SNED1: variants seen among roughly 807,000 people sequenced by gnomAD.
SNED1 encodes the protein sushi, nidogen and EGF-like domain-containing protein 1.
In SNED1, 81 loss-of-function variants were observed where a neutral mutation model predicts 166.7. The observed-to-expected ratio is 0.49, with a 90% confidence interval of 0.41 to 0.58. The LOEUF (loss-of-function observed/expected upper bound fraction) is 0.58. Among genes scored for constraint, SNED1 ranks in the 20% least tolerant of loss-of-function variants. SNED1 has a pLI of 0.00. For missense variants in SNED1, 1,604 were observed against 2,000.2 expected (o/e 0.80, Z 3.78); for synonymous variants, 762 against 822.0 (o/e 0.93, Z 1.25).
At chr2:241,058,898 C>T (rs1207368382) in intron 16 of SNED1, among the ~76,000 whole-genome samples, 1 of 151,172 alleles carries the variant, frequency 6.6e-6, no homozygotes, top group African/African-American at 2.4e-5. Context: ...TGCAGTGAGC[C>T]AAGATCGCAC....
chr2:241,071,986 C>A, intron 26 of SNED1, 108 bp downstream of exon 26: 1 of 979,934 alleles, frequency 1.0e-6, no homozygotes, highest in Non-Finnish European at 1.6e-6. Context: ...ACCGCCAGCG[C>A]AGTCTCCAGC....
chr2:241,072,528 A>T (rs2062782731), intron 26 of SNED1: 2 of 330,128 alleles, frequency 6.1e-6, no homozygotes, highest in Admixed American at 8.9e-5. Context: ...GAACTCCCCA[A>T]CAGAGCCTAG....
In SNED1 at chr2:241,037,306, T is replaced by A; in HGVS notation, c.998T>A (p.Phe333Tyr). The A allele has an allele frequency of 6.2e-7, 1 of 1,611,422 alleles. No homozygotes were observed. The highest frequency in any genetic ancestry group is 8.5e-7 in the Non-Finnish European group (1 of 1,179,246). Residue 333 changes from phenylalanine to tyrosine, a missense_variant, in exon 6 of 32, where the codon TTC becomes TAC. Around this residue, in one of 2 missense-constraint regions of SNED1, gnomAD observed 1,237 missense variants for 1,620.8 expected, o/e 0.76. Coordinates refer to ENST00000310397, the MANE Select transcript of SNED1 (RefSeq NM_001080437.3). The part of the protein sequence containing the change: ...GGTCTHGINS[F>Y]RCQCPAGFGG... ...ACCTGTACTCACGGCATCAACAGTT[T>A]CCGCTGCCAGTGCCCGGCTGGCTTT...
At position 241,051,542 on chromosome 2, in the gene SNED1, T is replaced by C. The variant is rs1044410520; in HGVS notation, c.1736-202T>C. 1.8e-5 allele frequency: 8 copies of C among 444,174 alleles called. No individual in the cohort carries two copies. Among genetic ancestry groups the C allele is most frequent in the Non-Finnish European group, 2.4e-5 (6 of 251,716 alleles). 27.5% of individuals were successfully genotyped at this position (444,174 alleles called of 1,614,324 possible). A position where few individuals can be genotyped will look rare whatever the true frequency, so the allele number is the denominator to read the frequency against. ...AGCAAAGGGCCCACCTGTGACTGAGTTGGGGTCTCCAGCCTGTGAGCCCCA... is the reference window on the plus strand; with the variant it reads ...AGCAAAGGGCCCACCTGTGACTGAGCTGGGGTCTCCAGCCTGTGAGCCCCA... On this transcript the variant is annotated intron_variant, in intron 12 of 31. Transcript: ENST00000310397. The surrounding 1 kb of genome is among the most constrained non-coding windows in gnomAD (Gnocchi z 4.7).
Position 241,069,811 on chromosome 2 carries a change from T to G in SNED1, c.3308-109T>G. The G allele has an allele frequency of 7.8e-7, 1 of 1,277,732 alleles. No individual in the cohort carries two copies. The highest frequency in any genetic ancestry group is 1.1e-6 in the Non-Finnish European group (1 of 921,864). The allele number at this position is 1,277,732 out of a possible 1,614,324, so 79.1% of individuals were successfully genotyped here. A position where few individuals can be genotyped will look rare whatever the true frequency, so the allele number is the denominator to read the frequency against. On this transcript the variant is annotated intron_variant, in intron 23 of 31. Transcript: ENST00000310397. The surrounding 1 kb of genome is among the most constrained non-coding windows in gnomAD (Gnocchi z 4.9). The stretch of plus-strand genomic sequence containing the variant: ...CTGTACCATTCTCCATAATAAAGAA[T>G]CTGGCTTCCAGCAAGGCTGCGGCAG...
chr2:241,086,312 G>A (rs898435825), intron 29 of SNED1, among the ~76,000 whole-genome samples: 3 of 152,134 alleles, frequency 2.0e-5, no homozygotes, highest in African/African-American at 7.2e-5. Context: ...CAGGCCCAAG[G>A]GGACCCTACA....
intron 2 of SNED1, among the ~76,000 whole-genome samples, chr2:241,032,493 G>GA: frequency 6.7e-6 from 1 of 148,502 alleles, no homozygotes; most frequent in South Asian, 2.3e-4. Flanking sequence ...GTGGGGTGGG[G>GA]GGGTCGGGGG....
intron 21 of SNED1, 138 bp from the exon 22 acceptor site, chr2:241,067,626 G>A (rs1245689114): frequency 1.4e-5 from 9 of 650,164 alleles, no homozygotes; most frequent in African/African-American, 9.1e-5. Flanking sequence ...CGAGTTCCCT[G>A]AGCAGTTGAT....
Position 241,076,531 on chromosome 2 carries a change from C to CTA in SNED1, c.3916+3178_3916+3179dup, listed in dbSNP as rs907179204. On this transcript the variant is annotated intron_variant, in intron 27 of 31. Transcript: ENST00000310397. ...CTTGTCATACATTCTTTGGGGTTTT[C>CTA]TATATATATATAAAATCATATCCTT... Among the ~76,000 whole-genome samples the CTA allele has an allele frequency of 9.2e-5, 14 of 152,112 alleles. No individual in the cohort carries two copies. The East Asian group carries it at 1.7e-3, about 19-fold the overall frequency.
rs2062626468 is a variant in SNED1 at position 241,069,867 on chromosome 2, C to G, written c.3308-53C>G. ...GTCCGGTTCTCAAACCGTGTTCTTGCCAGAAGACCCTGTGGGCACCCCCTC... is the reference window on the plus strand; with the variant it reads ...GTCCGGTTCTCAAACCGTGTTCTTGGCAGAAGACCCTGTGGGCACCCCCTC... On this transcript the variant is annotated intron_variant, in intron 23 of 31. Transcript: ENST00000310397. This position sits in a 1 kb window ranked among gnomAD's most constrained non-coding sequence, Gnocchi z 4.9. The G allele has an allele frequency of 6.3e-7, 1 of 1,577,862 alleles. No homozygotes were observed. The highest frequency in any genetic ancestry group is 1.2e-5 in the South Asian group (1 of 86,086).
At chr2:241,016,597 A>C (rs976527944) in intron 1 of SNED1, among the ~76,000 whole-genome samples, 3 of 152,184 alleles carry the variant, frequency 2.0e-5, no homozygotes, top group African/African-American at 7.2e-5. Context: ...GGAGTTGTCC[A>C]TTCATGTACT....
At position 241,068,671 on chromosome 2, in the gene SNED1, G is replaced by A. The variant is rs2062570466; in HGVS notation, c.3195-240G>A. On this transcript the variant is annotated intron_variant, in intron 22 of 31. Transcript: ENST00000310397. This position sits in a 1 kb window ranked among gnomAD's most constrained non-coding sequence, Gnocchi z 5.3. ...TGAACACCGGCCCTCTGACCATACT[G>A]TAGCAGCCCCAAGCGCACCCGATCC... Among the ~76,000 whole-genome samples, 1 of 151,988 alleles carries A rather than the reference G, an allele frequency of 6.6e-6. No individual in the cohort carries two copies. The highest frequency in any genetic ancestry group is 2.4e-5 in the African/African-American group (1 of 41,358).
intron 8 of SNED1, chr2:241,040,753 G>C (rs115679621): frequency 2.7e-4 from 127 of 475,198 alleles, no homozygotes; most frequent in African/African-American, 2.3e-3. Flanking sequence ...TCCAGCCTGG[G>C]TGACTCTTGA....
rs553530229 is a variant in SNED1, at chr2:241,005,010, C to T, written c.213+5960C>T. On this transcript the variant is annotated intron_variant, in intron 1 of 31. Transcript: ENST00000310397. Reference sequence around the variant, plus strand: ...TGCTGGGATTACAGATGTAGGCCACCATGCCTGGCCAATGTTTTTTTTCTT... The same window carrying T: ...TGCTGGGATTACAGATGTAGGCCACTATGCCTGGCCAATGTTTTTTTTCTT... 4.0e-4 allele frequency among the ~76,000 whole-genome samples: 61 copies of T among 152,262 alleles called. 1 individual carries two copies. The South Asian group carries it at 0.012, about 30-fold the overall frequency.
At position 241,083,252 on chromosome 2, in the gene SNED1, G is replaced by T. The variant is rs145618967; in HGVS notation, c.4121+888G>T. On this transcript the variant is annotated intron_variant, in intron 29 of 31. Coordinates refer to ENST00000310397, the MANE Select transcript of SNED1 (RefSeq NM_001080437.3). ...GAGGGATGGACATTCCAGAGCCAGA[G>T]GACAGTTACCAGGGCCCCAAGTCAG... Among the ~76,000 whole-genome samples, 1,154 of 152,302 alleles carry T rather than the reference G, an allele frequency of 7.6e-3. 15 individuals are homozygous for T. The highest frequency in any genetic ancestry group is 0.026 in the African/African-American group (1,087 of 41,558).
intron 11 of SNED1, 40 bp from the exon 12 acceptor site, chr2:241,049,777 G>A (rs772746019): frequency 6.6e-6 from 10 of 1,509,720 alleles, no homozygotes; most frequent in South Asian, 5.6e-5. Flanking sequence ...GCACAGATGC[G>A]GCGTAAGCTC....
Position 241,051,436 on chromosome 2 carries a change from C to T in SNED1, c.1736-308C>T, listed in dbSNP as rs1204534099. 3 of 302,800 alleles carry T rather than the reference C, an allele frequency of 9.9e-6. No individual in the cohort carries two copies. Among genetic ancestry groups the T allele is most frequent in the East Asian group, 5.3e-5 (1 of 18,990 alleles). 18.8% of individuals were successfully genotyped at this position (302,800 alleles called of 1,614,324 possible). A position where few individuals can be genotyped will look rare whatever the true frequency, so the allele number is the denominator to read the frequency against. ...CGTGTGCAGGAGGGAGGGAGTGCTG[C>T]GCCCGCTGCAGTGTTGGGGCCGGTT... On this transcript the variant is annotated intron_variant, in intron 12 of 31. Coordinates refer to ENST00000310397, the MANE Select transcript of SNED1 (RefSeq NM_001080437.3). This position sits in a 1 kb window ranked among gnomAD's most constrained non-coding sequence, Gnocchi z 4.7.
chr2:241,065,607 C>G lies in SNED1; in HGVS notation c.3010+12C>G, dbSNP rs753166020. 13 of 1,607,366 alleles carry G rather than the reference C, an allele frequency of 8.1e-6. No individual in the cohort carries two copies. Among genetic ancestry groups the G allele is most frequent in the Non-Finnish European group, 1.1e-5 (13 of 1,178,016 alleles). ...GCTGGCCCGCACGCGTGAGTGTCCC[C>G]GAGCCTGGCCGTCCCTGCCCAGCCC... On this transcript the variant is annotated intron_variant, in intron 21 of 31. Transcript: ENST00000310397.
chr2:241,051,373 G>C lies in SNED1; in HGVS notation c.1736-371G>C. Reference sequence around the variant, plus strand: ...TGCTGGGGACCCTGATGTCACGGCAGATGAGACTCAGCTGCTTCCTGTCAG... The same window carrying C: ...TGCTGGGGACCCTGATGTCACGGCACATGAGACTCAGCTGCTTCCTGTCAG... On this transcript the variant is annotated intron_variant, in intron 12 of 31. Transcript: ENST00000310397. The surrounding 1 kb of genome is among the most constrained non-coding windows in gnomAD (Gnocchi z 4.7). 1 of 209,098 alleles carries C rather than the reference G, an allele frequency of 4.8e-6. No homozygotes were observed. The highest frequency in any genetic ancestry group is 9.5e-6 in the Non-Finnish European group (1 of 105,632). 13.0% of individuals were successfully genotyped at this position (209,098 alleles called of 1,614,324 possible).
Sources: gnomAD v4.1 joint callset for allele counts (sites outside exome capture counted in the v4.1 genomes callset) on GRCh38, gnomAD v4.1.1 for gene constraint, gnomAD v4.1.1 regional missense constraint, Gnocchi (gnomAD v3.1) non-coding constraint, MANE v1.5 for transcripts, NCBI Gene and HGNC (gene_info 2026-07-23, HGNC 2026-07-21) for gene names.